TENT2: variants seen among roughly 807,000 people sequenced by gnomAD.
TENT2 encodes the protein terminal nucleotidyltransferase 2, also known as poly(A) RNA polymerase GLD2.
Under a neutral mutation model 72.2 loss-of-function variants are expected in TENT2, and 44 were observed. The observed-to-expected ratio is 0.61, with a 90% confidence interval of 0.48 to 0.78. The LOEUF is 0.78. TENT2 is among the 30% of genes least tolerant of loss of function. The probability of loss-of-function intolerance (pLI) is 0.00; values close to 1 mark genes in which losing one functional copy is unlikely to be tolerated. For synonymous variants in TENT2, 212 were observed against 192.5 expected, an observed-to-expected ratio of 1.10 and a Z score of -0.84; for missense variants, 541 against 569.6, an observed-to-expected ratio of 0.95 and a Z score of 0.51.
Position 79,640,969 on chromosome 5 carries a change from T to G in TENT2, c.580+4T>G, listed in dbSNP as rs372529761. ...GAAATTCAGCTGTTATTTCCACGTA[T>G]GTTTCCCTATTTTGCATGTCCTTTA... On this transcript the variant is annotated splice_donor_region_variant and intron_variant, in intron 5 of 14. Coordinates refer to ENST00000453514, the MANE Select transcript of TENT2 (RefSeq NM_001114394.3). 2 of 1,595,542 alleles carry G rather than the reference T, an allele frequency of 1.3e-6. No individual in the cohort carries two copies. The highest frequency in any genetic ancestry group is 1.7e-6 in the Non-Finnish European group (2 of 1,172,582).
intron 7 of TENT2, among the ~76,000 whole-genome samples, chr5:79,643,904 A>G (rs983758734): frequency 2.0e-5 from 3 of 151,946 alleles, no homozygotes; most frequent in African/African-American, 7.3e-5. Context: ...CAGAACCTGT[A>G]CTTATTACTC....
chr5:79,639,867 A>G (rs921601998), intron 4 of TENT2, among the ~76,000 whole-genome samples: 7 of 152,304 alleles, frequency 4.6e-5, no homozygotes, highest in Middle Eastern at 3.4e-3. Context: ...GAAAGGGAGT[A>G]TGTTGTGATA....
Position 79,657,098 on chromosome 5 carries a change from T to C in TENT2, c.1071+97T>C. 2 of 793,790 alleles carry C rather than the reference T, an allele frequency of 2.5e-6. 1 individual carries two copies. 49.2% of individuals were successfully genotyped at this position (793,790 alleles called of 1,614,324 possible). ...AATGTGATTATAAAAGTAGTAAGGC[T>C]AAGTACATGATAACATTTTCTATAT... On this transcript the variant is annotated intron_variant, in intron 11 of 14. Transcript: ENST00000453514.
In TENT2 at chr5:79,674,255, A is replaced by G. The variant is rs1005419520; in HGVS notation, c.1208+5227A>G. Among the ~76,000 whole-genome samples, 6 of 152,052 alleles carry G rather than the reference A, an allele frequency of 3.9e-5. No individual in the cohort carries two copies. The South Asian group carries it at 1.0e-3, about 26-fold the overall frequency. On this transcript the variant is annotated intron_variant, in intron 12 of 14. Transcript: ENST00000453514. Reference sequence around the variant, plus strand: ...AAATTAGCCAGGTGTGGTGGCGGGCACCTGTAATCCCAGCTACTCACGAGG... The same window carrying G: ...AAATTAGCCAGGTGTGGTGGCGGGCGCCTGTAATCCCAGCTACTCACGAGG...
In TENT2 at chr5:79,669,064, A is replaced by G. The variant is rs557911165; in HGVS notation, c.1208+36A>G. The G allele has an allele frequency of 3.5e-5, 56 of 1,591,394 alleles. No individual in the cohort carries two copies. In the East Asian group the frequency reaches 9.0e-4, roughly 26 times the overall value. On this transcript the variant is annotated intron_variant, in intron 12 of 14. Transcript: ENST00000453514. ...CTTTAAATTGTGTTTGTTCACTTAT[A>G]TGTGTGTGTGTGTGTATGTATGTAT...
At chr5:79,662,358 T>C (rs1186838883) in intron 11 of TENT2, among the ~76,000 whole-genome samples, 2 of 152,188 alleles carry the variant, frequency 1.3e-5, no homozygotes, top group East Asian at 1.9e-4. Flanking sequence ...CCATGAATCA[T>C]GAATGTTCTT....
rs1402332510 is a variant in TENT2, at chr5:79,687,124, CT to C, written c.*1853del. On this transcript the variant is annotated 3_prime_UTR_variant, in exon 15 of 15. Coordinates refer to ENST00000453514, the MANE Select transcript of TENT2 (RefSeq NM_001114394.3). ...TTTCTCAGTTTTCAGTGGCCCCACA[CT>C]TACTACTGCTTTTCTTTGTTTTACC... Among the ~76,000 whole-genome samples the C allele has an allele frequency of 2.0e-4, 2 of 9,812 alleles. No homozygotes were observed. The highest frequency in any genetic ancestry group is 1.3e-3 in the African/African-American group (1 of 758). 6.4% of individuals were successfully genotyped at this position (9,812 alleles called of 152,430 possible). A position where few individuals can be genotyped will look rare whatever the true frequency, so the allele number is the denominator to read the frequency against.
chr5:79,676,581 T>C (rs1021987884), intron 12 of TENT2, among the ~76,000 whole-genome samples: 6 of 152,090 alleles, frequency 3.9e-5, no homozygotes, highest in African/African-American at 1.4e-4. Context: ...AGCAAGACTC[T>C]GACTAATAAA....
At chr5:79,685,073 T>C in intron 14 of TENT2, 126 bp from the exon 15 acceptor site, 1 of 776,346 alleles carries the variant, frequency 1.3e-6, no homozygotes, top group South Asian at 1.7e-5. Context: ...AAGAAAAAAT[T>C]TGAAGGAAAA....
At chr5:79,655,726 T>C (rs1797459421) in intron 10 of TENT2, among the ~76,000 whole-genome samples, 1 of 150,082 alleles carries the variant, frequency 6.7e-6, no homozygotes, top group South Asian at 2.1e-4. Context: ...CTAAGAGTGA[T>C]TCTGGTAAGT....
chr5:79,645,996 T>G (rs1428755053), intron 8 of TENT2, among the ~76,000 whole-genome samples: 1 of 152,206 alleles, frequency 6.6e-6, no homozygotes, highest in East Asian at 1.9e-4. Flanking sequence ...AATGAAAATT[T>G]CAGATCACCC....
chr5:79,624,089 T>G (rs1767370533), intron 4 of TENT2, among the ~76,000 whole-genome samples: 1 of 152,224 alleles, frequency 6.6e-6, no homozygotes, highest in African/African-American at 2.4e-5. Flanking sequence ...TCCCCCATAT[T>G]TAGTGAAACC....
At chr5:79,657,354 G>A (rs1329314928) in intron 11 of TENT2, among the ~76,000 whole-genome samples, 2 of 152,016 alleles carry the variant, frequency 1.3e-5, no homozygotes, top group East Asian at 3.8e-4. Flanking sequence ...TCTTTAGTTA[G>A]TAACTCAGAA....
chr5:79,651,494 T>A (rs949310785), intron 10 of TENT2, among the ~76,000 whole-genome samples: 2 of 151,878 alleles, frequency 1.3e-5, no homozygotes, highest in Non-Finnish European at 2.9e-5. Flanking sequence ...TAAAAGATGG[T>A]GCATAAAATA....
chr5:79,674,161 A>G (rs542095345), intron 12 of TENT2, among the ~76,000 whole-genome samples: 9 of 152,180 alleles, frequency 5.9e-5, no homozygotes, highest in South Asian at 2.1e-4. Context: ...AGGCAGGCAG[A>G]TCATGAGGTC....
intron 10 of TENT2, among the ~76,000 whole-genome samples, chr5:79,655,632 G>C (rs1418183118): frequency 6.6e-6 from 1 of 151,842 alleles, no homozygotes; most frequent in African/African-American, 2.4e-5. Flanking sequence ...AAGTGAGTGG[G>C]GTTTGAGTTT....
Position 79,688,047 on chromosome 5 carries a change from C to T in TENT2, c.*2774C>T, listed in dbSNP as rs1216592410. Among the ~76,000 whole-genome samples the T allele has an allele frequency of 6.6e-6, 1 of 152,170 alleles. No homozygotes were observed. The highest frequency in any genetic ancestry group is 1.5e-5 in the Non-Finnish European group (1 of 68,030). ...GTTTAGTGAGCTGTGGAAGCCTTGA[C>T]TCTGCTGTTTTCCCTCCTTATGCCC... On this transcript the variant is annotated 3_prime_UTR_variant, in exon 15 of 15. Coordinates refer to ENST00000453514, the MANE Select transcript of TENT2 (RefSeq NM_001114394.3).
chr5:79,640,085 T>C (rs1783201282), intron 4 of TENT2, among the ~76,000 whole-genome samples: 1 of 152,030 alleles, frequency 6.6e-6, no homozygotes, highest in Non-Finnish European at 1.5e-5. Flanking sequence ...GGCAAAACCC[T>C]GTCTCTACAA....
Position 79,668,611 on chromosome 5 carries a change from T to C in TENT2, c.1072-281T>C. On this transcript the variant is annotated intron_variant, in intron 11 of 14. Transcript: ENST00000453514. ...GATCTTGGTTTGTATAGTAAGGTTT[T>C]ATTTATGAGTTAGAAAATCTTCTGC... 4.7e-5 allele frequency: 13 copies of C among 273,868 alleles called. No homozygotes were observed. The East Asian group carries it at 5.5e-4, about 12-fold the overall frequency. The allele number at this position is 273,868 out of a possible 1,614,324, so 17.0% of individuals were successfully genotyped here.
Sources: allele counts gnomAD v4.1 joint callset (sites outside exome capture counted in the v4.1 genomes callset), GRCh38; gene constraint gnomAD v4.1.1; transcripts MANE v1.5; gene names NCBI Gene and HGNC (gene_info 2026-07-23, HGNC 2026-07-21).